SLC26A6: variants seen among roughly 807,000 people sequenced by gnomAD.
SLC26A6 encodes the protein anion exchange transporter.
SLC26A6 carries 67 observed loss-of-function variants against 87.1 expected under a neutral mutation model. The observed-to-expected ratio is 0.77, with a 90% CI of 0.63 to 0.94. The LOEUF (loss-of-function observed/expected upper bound fraction) is 0.94, where lower values mean the gene tolerates loss of function less well. Ranked by LOEUF, SLC26A6 falls within the 40% of genes least tolerant of loss-of-function variation. The probability of loss-of-function intolerance (pLI) is 0.00; values close to 1 mark genes in which losing one functional copy is unlikely to be tolerated. For missense variants in SLC26A6, 902 were observed against 973.0 expected (o/e 0.93, Z 0.97); for synonymous variants, 414 against 405.9 (o/e 1.02, Z -0.24).
intron 14 of SLC26A6, among the ~76,000 whole-genome samples, chr3:48,629,192 C>A (rs1022527437): frequency 1.6e-4 from 25 of 152,064 alleles, no homozygotes; most frequent in African/African-American, 6.0e-4. Flanking sequence ...TGCACTGTGC[C>A]CATGTTGCAG....
chr3:48,629,094 G>A (rs1300046658), intron 14 of SLC26A6, among the ~76,000 whole-genome samples: 1 of 152,160 alleles, frequency 6.6e-6, no homozygotes, highest in Non-Finnish European at 1.5e-5. Context: ...GTCTCTGCTG[G>A]GCTCCAGGCA....
In SLC26A6 at chr3:48,628,955, T is replaced by G. The variant is rs2046703759; in HGVS notation, c.1600-241A>C. ...CACCACCCAGGCAGGCTTCACAGGC[T>G]CTTAACCTTTCTCTTGGGTTTCCAA... On this transcript the variant is annotated intron_variant, in intron 14 of 20. Coordinates refer to ENST00000395550, the MANE Select transcript of SLC26A6 (RefSeq NM_022911.3). The surrounding 1 kb of genome is among the most constrained non-coding windows in gnomAD (Gnocchi z 4.4). 6.6e-6 allele frequency among the ~76,000 whole-genome samples: 1 copy of G among 151,858 alleles called. No individual in the cohort carries two copies. Among genetic ancestry groups the G allele is most frequent in the Non-Finnish European group, 1.5e-5 (1 of 67,962 alleles).
chr3:48,626,719 G>A (rs2046634108), intron 18 of SLC26A6, 34 bp from the exon 19 acceptor site: 1 of 1,613,762 alleles, frequency 6.2e-7, no homozygotes, highest in Non-Finnish European at 8.5e-7. Context: ...CTCAGAGGGA[G>A]GCTCAGGGAC....
intron 7 of SLC26A6, 47 bp from the exon 8 acceptor site, chr3:48,631,353 CA>C (rs745860868): frequency 6.7e-6 from 10 of 1,498,888 alleles, no homozygotes; most frequent in Non-Finnish European, 8.9e-6. Context: ...GCACCATGGT[CA>C]GGGGGACACA....
In SLC26A6 at chr3:48,633,083, G is replaced by A. The variant is rs1244887731; in HGVS notation, c.324C>T (p.Gly108=). 1.4e-5 allele frequency: 23 copies of A among 1,611,410 alleles called. No individual in the cohort carries two copies. The highest frequency in any genetic ancestry group is 1.4e-5 in the Non-Finnish European group (17 of 1,178,920). ...ATCCAGCCAGGAGGGCGTAGGCCAA[G>A]CCTAGGGGTAGAATGGTAGCAGTGC... The part of the protein sequence containing the change: ...LSVAIMQLPQ[G]LAYALLAGLP... The change falls in exon 4 of 21, where the codon GGC becomes GGT. Residue 108 remains glycine, a splice_region_variant and synonymous_variant. Coordinates refer to ENST00000395550, the MANE Select transcript of SLC26A6 (RefSeq NM_022911.3).
intron 20 of SLC26A6, 63 bp downstream of exon 20, chr3:48,626,155 G>A (rs2046614424): frequency 6.2e-7 from 1 of 1,612,032 alleles, no homozygotes; most frequent in Non-Finnish European, 8.5e-7. Flanking sequence ...TGGAGCTGGG[G>A]CCAGGGTGGG....
In SLC26A6 at chr3:48,633,332, A is replaced by G. The variant is rs1448993788; in HGVS notation, c.241T>C (p.Leu81=). 2 of 1,613,484 alleles carry G rather than the reference A, an allele frequency of 1.2e-6. No individual in the cohort carries two copies. The highest frequency in any genetic ancestry group is 2.7e-5 in the African/African-American group (2 of 74,938). ...LLQHLPVLVW[L]PRYPVRDWLL... ...CAGTCACGCACAGGATACCGGGGTA[A>G]CCAGACCAAAACCGGGAGGTGTTGG... Residue 81 remains leucine, a synonymous_variant, in exon 3 of 21, where the codon TTA becomes CTA. Transcript: ENST00000395550.
Position 48,632,400 on chromosome 3 carries a change from T to C in SLC26A6, c.434-4A>G, listed in dbSNP as rs1480976499. ...ACAGACATGACAGCAAAGGTCCCTG[T>C]AAGGACGGCACGGGGCAGGTCTGAA... On this transcript the variant is annotated splice_region_variant and splice_polypyrimidine_tract_variant and intron_variant, in intron 4 of 20. Coordinates refer to ENST00000395550, the MANE Select transcript of SLC26A6 (RefSeq NM_022911.3). The C allele has an allele frequency of 6.2e-7, 1 of 1,603,638 alleles. No homozygotes were observed. The highest frequency in any genetic ancestry group is 8.5e-7 in the Non-Finnish European group (1 of 1,174,458).
intron 14 of SLC26A6, among the ~76,000 whole-genome samples, chr3:48,629,255 C>T (rs2046712687): frequency 6.6e-6 from 1 of 152,164 alleles, no homozygotes; most frequent in South Asian, 2.1e-4. Flanking sequence ...TAGCACTTGG[C>T]CCAAGACCTC....
intron 14 of SLC26A6, among the ~76,000 whole-genome samples, 157 bp downstream of exon 14, chr3:48,629,485 G>A (rs2046719205): frequency 6.6e-6 from 1 of 152,074 alleles, no homozygotes. Flanking sequence ...CCTCTAGAGG[G>A]GGTCATAGAC....
At position 48,631,295 on chromosome 3, in the gene SLC26A6, G is replaced by T; in HGVS notation, c.915C>A (p.Ala305=). ...GACCCATGCCATAGGAGATGCCTGT[G>T]GCCCCGATGAGCTGTGGGAGAGGAC... The part of the protein sequence containing the change: ...IPGELLTLIG[A]TGISYGMGLK... The change falls in exon 8 of 21, where the codon GCC becomes GCA. Residue 305 remains alanine (A), a synonymous_variant. Coordinates refer to ENST00000395550, the MANE Select transcript of SLC26A6 (RefSeq NM_022911.3). 2 of 1,597,048 alleles carry T rather than the reference G, an allele frequency of 1.3e-6. No individual in the cohort carries two copies. The highest frequency in any genetic ancestry group is 1.7e-6 in the Non-Finnish European group (2 of 1,170,792).
At chr3:48,626,551 T>C (rs1337815145) in intron 19 of SLC26A6, 80 bp downstream of exon 19, 4 of 1,595,610 alleles carry the variant, frequency 2.5e-6, no homozygotes, top group Non-Finnish European at 3.4e-6. Context: ...GACTTTTTCC[T>C]TGTGCTACTT....
Position 48,628,129 on chromosome 3 carries a change from G to T in SLC26A6, c.1801-91C>A. ...GGCCTGGTGATGCCCCCTGGTGCTG[G>T]GCAGGTGGGTGGGCCAGGACCAGAA... On this transcript the variant is annotated intron_variant, in intron 16 of 20. Coordinates refer to ENST00000395550, the MANE Select transcript of SLC26A6 (RefSeq NM_022911.3). The surrounding 1 kb of genome is among the most constrained non-coding windows in gnomAD (Gnocchi z 4.4). The T allele has an allele frequency of 7.8e-7, 1 of 1,274,522 alleles. No homozygotes were observed. The highest frequency in any genetic ancestry group is 1.1e-6 in the Non-Finnish European group (1 of 921,266). The allele number at this position is 1,274,522 out of a possible 1,614,324, so 79.0% of individuals were successfully genotyped here. A position where few individuals can be genotyped will look rare whatever the true frequency, so the allele number is the denominator to read the frequency against.
In SLC26A6 at chr3:48,628,409, G is replaced by T. The variant is rs763953021; in HGVS notation, c.1800+25C>A. The T allele has an allele frequency of 2.5e-6, 4 of 1,612,978 alleles. No individual in the cohort carries two copies. The highest frequency in any genetic ancestry group is 3.4e-6 in the Non-Finnish European group (4 of 1,179,866). ...CAGGGAACAGGGGGCAGGAGATGGGGGTCACCAGACAAAAGGGGCCCTGCC... is the reference window on the plus strand; with the variant it reads ...CAGGGAACAGGGGGCAGGAGATGGGTGTCACCAGACAAAAGGGGCCCTGCC... On this transcript the variant is annotated intron_variant, in intron 16 of 20. Coordinates refer to ENST00000395550, the MANE Select transcript of SLC26A6 (RefSeq NM_022911.3). The surrounding 1 kb of genome is among the most constrained non-coding windows in gnomAD (Gnocchi z 4.4).
At position 48,628,467 on chromosome 3, in the gene SLC26A6, C is replaced by A; in HGVS notation, c.1767G>T (p.Lys589Asn). The change falls in exon 16 of 21, where the codon AAG becomes AAT. Residue 589 changes from lysine (K) to asparagine (N), a missense_variant. Lys to Asn is a moderately conservative substitution (Grantham distance 94). Transcript: ENST00000395550. The surrounding 1 kb of genome is among the most constrained non-coding windows in gnomAD (Gnocchi z 4.4). The part of the protein sequence containing the change: ...LLKKQEQLKL[K>N]QLQKEEKLRK... Reference sequence around the variant, plus strand: ...GAAGCTTCTCCTCTTTCTGCAGTTGCTTCAGCTTCAGCTGCTCCTGCTTCT... The same window carrying A: ...GAAGCTTCTCCTCTTTCTGCAGTTGATTCAGCTTCAGCTGCTCCTGCTTCT... 1 of 1,614,140 alleles carries A rather than the reference C, an allele frequency of 6.2e-7. No homozygotes were observed. Among genetic ancestry groups the A allele is most frequent in the Non-Finnish European group, 8.5e-7 (1 of 1,179,996 alleles).
chr3:48,635,456 G>A lies in SLC26A6; in HGVS notation c.-63C>T. On this transcript the variant is annotated 5_prime_UTR_variant, in exon 1 of 21. Coordinates refer to ENST00000395550, the MANE Select transcript of SLC26A6 (RefSeq NM_022911.3). ...TCGAGCTAGAGGCCGCTACGCTCCG[G>A]AAGGCGGCGCCGGGACCGGGTGAGG... 6.5e-7 allele frequency: 1 copy of A among 1,543,832 alleles called. No homozygotes were observed.
Position 48,631,353 on chromosome 3 carries a change from C to A in SLC26A6, c.904-47G>T. The A allele has an allele frequency of 2.7e-6, 4 of 1,498,886 alleles. No homozygotes were observed. The South Asian group carries it at 5.4e-5, about 20-fold the overall frequency. The allele number at this position is 1,498,886 out of a possible 1,614,324, so 92.8% of individuals were successfully genotyped here. ...GGGAGGCAGGTGCTGGCACCATGGT[C>A]AGGGGGACACATAAACCACTGTGAG... On this transcript the variant is annotated intron_variant, in intron 7 of 20. Coordinates refer to ENST00000395550, the MANE Select transcript of SLC26A6 (RefSeq NM_022911.3).
Position 48,630,177 on chromosome 3 carries a change from A to T in SLC26A6, c.1327-20T>A, listed in dbSNP as rs773378851. On this transcript the variant is annotated intron_variant, in intron 11 of 20. Transcript: ENST00000395550. ...GACCGCCTGGGGTGGGGACAGTGCCACCAGGGGCCATTGAGGGCACCCGAT... is the reference window on the plus strand; with the variant it reads ...GACCGCCTGGGGTGGGGACAGTGCCTCCAGGGGCCATTGAGGGCACCCGAT... 6.2e-7 allele frequency: 1 copy of T among 1,600,964 alleles called. No homozygotes were observed. Among genetic ancestry groups the T allele is most frequent in the East Asian group, 2.2e-5 (1 of 44,504 alleles).
chr3:48,625,804 A>G lies in SLC26A6; in HGVS notation c.*182T>C. The G allele has an allele frequency of 1.4e-6, 1 of 702,702 alleles. No homozygotes were observed. The highest frequency in any genetic ancestry group is 2.4e-6 in the Non-Finnish European group (1 of 415,798). The allele number at this position is 702,702 out of a possible 1,614,324, so 43.5% of individuals were successfully genotyped here. A position where few individuals can be genotyped will look rare whatever the true frequency, so the allele number is the denominator to read the frequency against. ...ACCGCGCCACTGCCAGCCTGACTGC[A>G]TGCAGGCCCTGTCCCAGACCTGGAG... On this transcript the variant is annotated 3_prime_UTR_variant, in exon 21 of 21. Transcript: ENST00000395550. This position sits in a 1 kb window ranked among gnomAD's most constrained non-coding sequence, Gnocchi z 4.7.
Sources: allele counts gnomAD v4.1 joint callset (sites outside exome capture counted in the v4.1 genomes callset), GRCh38; gene constraint gnomAD v4.1.1; non-coding constraint Gnocchi (gnomAD v3.1); transcripts MANE v1.5; gene names NCBI Gene and HGNC (gene_info 2026-07-23, HGNC 2026-07-21).